CDH13: variants seen among roughly 807,000 people sequenced by gnomAD.
CDH13 encodes cadherin-13.
Under a neutral mutation model 63.8 loss-of-function variants are expected in CDH13, and 24 were observed. The observed-to-expected ratio is 0.38, with a 90% confidence interval of 0.27 to 0.53. The LOEUF (loss-of-function observed/expected upper bound fraction) is 0.53. Ranked by LOEUF, CDH13 falls within the 20% of genes least tolerant of loss-of-function variation. The probability of loss-of-function intolerance (pLI) is 0.85; values close to 1 mark genes in which losing one functional copy is unlikely to be tolerated. For synonymous variants in CDH13, 503 were observed against 355.3 expected (o/e 1.42, Z -4.67); for missense variants, 1,049 against 903.1 (o/e 1.16, Z -2.07).
chr16:83,018,530 C>A (rs1327291293), intron 2 of CDH13, among the ~76,000 whole-genome samples: 1 of 152,184 alleles, frequency 6.6e-6, no homozygotes, highest in East Asian at 1.9e-4. Context: ...TGAAAGTACC[C>A]AGTGACAAGC....
Position 83,122,860 on chromosome 16 carries a change from T to C in CDH13, c.367-2525T>C, listed in dbSNP as rs190485143. 2.9e-3 allele frequency among the ~76,000 whole-genome samples: 445 copies of C among 152,226 alleles called. 1 individual carries two copies. The highest frequency in any genetic ancestry group is 5.2e-3 in the Non-Finnish European group (352 of 68,016). On this transcript the variant is annotated intron_variant, in intron 3 of 13. Coordinates refer to ENST00000567109, the MANE Select transcript of CDH13 (RefSeq NM_001257.5). ...CTGTGTAGTGGGAAGTGTGGCCTTTTAGTGAACCCATCACCCAAAGAGTGA... is the reference window on the plus strand; with the variant it reads ...CTGTGTAGTGGGAAGTGTGGCCTTTCAGTGAACCCATCACCCAAAGAGTGA...
At chr16:83,281,202 C>T in intron 5 of CDH13, among the ~76,000 whole-genome samples, 1 of 152,228 alleles carries the variant, frequency 6.6e-6, no homozygotes, top group East Asian at 1.9e-4. Flanking sequence ...GCTGGATCTT[C>T]TGGATATCTT....
At chr16:83,087,621 C>T (rs1418269482) in intron 3 of CDH13, among the ~76,000 whole-genome samples, 1 of 136,096 alleles carries the variant, frequency 7.3e-6, no homozygotes, top group Admixed American at 8.5e-5. Flanking sequence ...CGAGCCAAAA[C>T]CGTGTCATTG....
intron 4 of CDH13, among the ~76,000 whole-genome samples, chr16:83,190,767 A>G (rs930609643): frequency 6.6e-6 from 1 of 152,240 alleles, no homozygotes; most frequent in Non-Finnish European, 1.5e-5. Flanking sequence ...TTATGAAGAC[A>G]AATCTTCAAA....
chr16:82,672,965 T>C (rs564682863), intron 1 of CDH13, among the ~76,000 whole-genome samples: 38 of 149,914 alleles, frequency 2.5e-4, no homozygotes, highest in African/African-American at 9.1e-4. Flanking sequence ...CAGGATTGCG[T>C]GCCACCATGT....
At chr16:83,151,978 G>C (rs1373589794) in intron 4 of CDH13, among the ~76,000 whole-genome samples, 1 of 150,812 alleles carries the variant, frequency 6.6e-6, no homozygotes, top group African/African-American at 2.4e-5. Flanking sequence ...AAAAAAGAAA[G>C]TAAATCACTA....
At chr16:83,041,828 G>A (rs942054008) in intron 3 of CDH13, among the ~76,000 whole-genome samples, 1 of 152,164 alleles carries the variant, frequency 6.6e-6, no homozygotes, top group African/African-American at 2.4e-5. Context: ...GGCCTTGTGT[G>A]GATGCCATCA....
At position 83,749,947 on chromosome 16, in the gene CDH13, G is replaced by C. The variant is rs190584733; in HGVS notation, c.1681+1697G>C. ...AGTTCTGGTGTTGAGTTAGTTGGCA[G>C]CTTCTGATTGGTTAGCCTTAAGTTT... On this transcript the variant is annotated intron_variant, in intron 11 of 13. Transcript: ENST00000567109. Among the ~76,000 whole-genome samples, 32 of 152,290 alleles carry C rather than the reference G, an allele frequency of 2.1e-4. No homozygotes were observed. The East Asian group carries it at 4.4e-3, about 21-fold the overall frequency.
intron 10 of CDH13, among the ~76,000 whole-genome samples, chr16:83,682,448 T>C (rs553225406): frequency 6.6e-6 from 1 of 152,288 alleles, no homozygotes; most frequent in South Asian, 2.1e-4. Flanking sequence ...ACAATTATGA[T>C]GAGCAGAGTC....
chr16:83,217,214 C>G (rs367902720), intron 4 of CDH13, 131 bp from the exon 5 acceptor site: 2 of 801,994 alleles, frequency 2.5e-6, no homozygotes, highest in Non-Finnish European at 4.0e-6. Flanking sequence ...TTACTTTAGT[C>G]AAATCTGTGT....
intron 2 of CDH13, among the ~76,000 whole-genome samples, chr16:82,898,483 C>A (rs528760331): frequency 1.3e-5 from 2 of 152,312 alleles, no homozygotes; most frequent in African/African-American, 4.8e-5. Flanking sequence ...CAAGATCTCG[C>A]CACTGCCCTA....
chr16:83,080,871 G>GTTTTTTTTTTTTGTTTTTTTTTT (rs2033186230), intron 3 of CDH13, among the ~76,000 whole-genome samples: 1 of 46,928 alleles, frequency 2.1e-5, no homozygotes, highest in Admixed American at 3.8e-4. Flanking sequence ...TTGTTTTTGT[G>GTTTTTTTTTTTTGTTTTTTTTTT]TTTTTTTTTT....
intron 11 of CDH13, among the ~76,000 whole-genome samples, chr16:83,751,898 C>G (rs546179985): frequency 6.6e-6 from 1 of 152,260 alleles, no homozygotes; most frequent in South Asian, 2.1e-4. Context: ...GAGATTACGT[C>G]CCAGAAGAAG....
intron 3 of CDH13, among the ~76,000 whole-genome samples, chr16:83,110,599 C>T (rs1428042665): frequency 6.6e-6 from 1 of 152,174 alleles, no homozygotes; most frequent in Admixed American, 6.5e-5. Flanking sequence ...TACTTACTGT[C>T]TATACATTAC....
intron 1 of CDH13, among the ~76,000 whole-genome samples, chr16:82,690,976 A>C (rs905740236): frequency 5.9e-5 from 9 of 152,240 alleles, no homozygotes; most frequent in African/African-American, 2.2e-4. Context: ...GAGGAAAGCC[A>C]GCCAATGTCT....
intron 9 of CDH13, among the ~76,000 whole-genome samples, chr16:83,673,120 C>A (rs1914659456): frequency 6.6e-6 from 1 of 152,202 alleles, no homozygotes; most frequent in Non-Finnish European, 1.5e-5. Flanking sequence ...ACATTACAAA[C>A]CTAGTCTACA....
intron 2 of CDH13, among the ~76,000 whole-genome samples, chr16:82,997,161 A>G (rs1290705040): frequency 6.9e-6 from 1 of 145,928 alleles, no homozygotes; most frequent in Non-Finnish European, 1.5e-5. Context: ...GATGGTGATG[A>G]TAGTGATGGT....
intron 4 of CDH13, among the ~76,000 whole-genome samples, chr16:83,206,851 C>T (rs1343866422): frequency 2.6e-5 from 4 of 152,190 alleles, no homozygotes; most frequent in Admixed American, 2.0e-4. Flanking sequence ...TTTACAGAGC[C>T]TCCTAGTGCC....
intron 7 of CDH13, among the ~76,000 whole-genome samples, chr16:83,557,457 A>G (rs1340171994): frequency 6.6e-6 from 1 of 152,200 alleles, no homozygotes; most frequent in Non-Finnish European, 1.5e-5. Flanking sequence ...TTGGGGACTG[A>G]TGTTCTATGT....
Sources: gnomAD v4.1 joint callset for allele counts (sites outside exome capture counted in the v4.1 genomes callset) on GRCh38, gnomAD v4.1.1 for gene constraint, MANE v1.5 for transcripts, NCBI Gene and HGNC (gene_info 2026-07-23, HGNC 2026-07-21) for gene names.